MIPOL1: variants seen among roughly 807,000 people sequenced by gnomAD.
MIPOL1 encodes the protein mirror-image polydactyly gene 1 protein.
Under a neutral mutation model 60.9 loss-of-function variants are expected in MIPOL1, and 57 were observed. The observed-to-expected ratio is 0.94, with a 90% CI of 0.76 to 1.17. MIPOL1 has a LOEUF of 1.17. Among genes scored for constraint, MIPOL1 ranks in the 50% most tolerant of loss-of-function variants. MIPOL1 has a pLI of 0.00. For missense variants in MIPOL1, 551 were observed against 511.6 expected (o/e 1.08, Z -0.74); for synonymous variants, 179 against 168.8 (o/e 1.06, Z -0.47).
intron 11 of MIPOL1, among the ~76,000 whole-genome samples, chr14:37,429,989 A>C (rs2094031610): frequency 6.6e-6 from 1 of 152,124 alleles, no homozygotes; most frequent in African/African-American, 2.4e-5. Context: ...CCTCACCAAG[A>C]GTGGGGTTGA....
At chr14:37,379,527 AACCCAC>A (rs1219590018) in intron 10 of MIPOL1, among the ~76,000 whole-genome samples, 2 of 152,098 alleles carry the variant, frequency 1.3e-5, no homozygotes, top group Non-Finnish European at 2.9e-5. Flanking sequence ...GTGAGAAAAC[AACCCAC>A]ATAATGGGAA....
chr14:37,326,454 C>G (rs946106266), intron 9 of MIPOL1, among the ~76,000 whole-genome samples: 1 of 151,816 alleles, frequency 6.6e-6, no homozygotes, highest in Non-Finnish European at 1.5e-5. Context: ...AAGGCAGATC[C>G]ATATCCAGAG....
At chr14:37,225,549 G>T (rs1969563406) in intron 1 of MIPOL1, among the ~76,000 whole-genome samples, 1 of 152,138 alleles carries the variant, frequency 6.6e-6, no homozygotes, top group African/African-American at 2.4e-5. Context: ...GCCATGGCTG[G>T]AGCAACTGGG....
chr14:37,198,454 C>G (rs1203152415), intron 1 of MIPOL1, among the ~76,000 whole-genome samples: 2 of 152,088 alleles, frequency 1.3e-5, no homozygotes, highest in Non-Finnish European at 2.9e-5. Flanking sequence ...CTCGCTCAAC[C>G]TCTGATCGAC....
At chr14:37,251,533 C>G (rs1005133768) in intron 3 of MIPOL1, among the ~76,000 whole-genome samples, 1 of 149,850 alleles carries the variant, frequency 6.7e-6, no homozygotes, top group African/African-American at 2.5e-5. Flanking sequence ...GTGAAAACTT[C>G]TATTTAAGGG....
At chr14:37,433,365 C>T (rs1238795368) in intron 11 of MIPOL1, among the ~76,000 whole-genome samples, 1 of 152,092 alleles carries the variant, frequency 6.6e-6, no homozygotes, top group Non-Finnish European at 1.5e-5. Flanking sequence ...TGCTATCCCT[C>T]CCCTTGCCCC....
intron 9 of MIPOL1, among the ~76,000 whole-genome samples, chr14:37,324,208 G>T (rs1415923486): frequency 6.6e-6 from 1 of 151,942 alleles, no homozygotes; most frequent in Non-Finnish European, 1.5e-5. Flanking sequence ...TGGTTGTTCT[G>T]CATACTAATC....
chr14:37,273,575 C>G (rs981322593), intron 6 of MIPOL1, among the ~76,000 whole-genome samples: 1 of 150,958 alleles, frequency 6.6e-6, no homozygotes, highest in Non-Finnish European at 1.5e-5. Flanking sequence ...ATTAGTCCAT[C>G]TTGTCTTCCA....
chr14:37,522,668 A>C (rs1408010529), intron 12 of MIPOL1, among the ~76,000 whole-genome samples: 1 of 152,188 alleles, frequency 6.6e-6, no homozygotes, highest in Non-Finnish European at 1.5e-5. Context: ...GTGAATGAAC[A>C]CATGAATCCA....
At chr14:37,199,147 A>G (rs766943652) in intron 1 of MIPOL1, among the ~76,000 whole-genome samples, 1 of 152,210 alleles carries the variant, frequency 6.6e-6, no homozygotes, top group Non-Finnish European at 1.5e-5. Context: ...GACATACAGA[A>G]AAGTGCATGA....
At chr14:37,462,862 T>A (rs867582768) in intron 11 of MIPOL1, among the ~76,000 whole-genome samples, 6 of 152,174 alleles carry the variant, frequency 3.9e-5, no homozygotes, top group Non-Finnish European at 8.8e-5. Context: ...CCAAGCCCTT[T>A]AACAAGTCTC....
intron 11 of MIPOL1, among the ~76,000 whole-genome samples, chr14:37,492,362 C>T (rs2095058694): frequency 6.6e-6 from 1 of 152,116 alleles, no homozygotes; most frequent in Non-Finnish European, 1.5e-5. Context: ...AGTAAGTGAA[C>T]AAAGGTTGAG....
At chr14:37,300,196 T>G (rs915023120) in intron 7 of MIPOL1, among the ~76,000 whole-genome samples, 1 of 150,660 alleles carries the variant, frequency 6.6e-6, no homozygotes, top group Non-Finnish European at 1.5e-5. Context: ...TCTTTGGAAG[T>G]AAATCACTAA....
At chr14:37,287,029 T>C (rs1178624402) in intron 7 of MIPOL1, among the ~76,000 whole-genome samples, 1 of 152,086 alleles carries the variant, frequency 6.6e-6, no homozygotes, top group Non-Finnish European at 1.5e-5. Context: ...CTGAACCCAG[T>C]CTATCTTTGA....
intron 11 of MIPOL1, among the ~76,000 whole-genome samples, chr14:37,493,103 T>C (rs1409532706): frequency 6.6e-6 from 1 of 152,176 alleles, no homozygotes; most frequent in Non-Finnish European, 1.5e-5. Context: ...GTGCATATTG[T>C]AGGATGATGA....
chr14:37,224,331 GT>G (rs965646176), intron 1 of MIPOL1, among the ~76,000 whole-genome samples: 4 of 152,074 alleles, frequency 2.6e-5, no homozygotes, highest in African/African-American at 9.7e-5. Context: ...AATTTAAAAA[GT>G]AGTTGGGTGT....
intron 10 of MIPOL1, among the ~76,000 whole-genome samples, chr14:37,375,325 C>A (rs936230007): frequency 7.2e-5 from 11 of 152,076 alleles, no homozygotes; most frequent in Non-Finnish European, 1.5e-4. Flanking sequence ...TCCCCCACCT[C>A]AGCCTCCCAC....
chr14:37,245,307 C>T (rs1973022098), intron 1 of MIPOL1, among the ~76,000 whole-genome samples: 1 of 152,068 alleles, frequency 6.6e-6, no homozygotes, highest in Non-Finnish European at 1.5e-5. Context: ...TGTCTTTTGA[C>T]AGATTTCATT....
intron 7 of MIPOL1, among the ~76,000 whole-genome samples, chr14:37,297,970 CA>C (rs1341763956): frequency 6.6e-6 from 1 of 152,086 alleles, no homozygotes; most frequent in Non-Finnish European, 1.5e-5. Flanking sequence ...CATGTGGAAG[CA>C]AAAAAGAGCC....
Sources: gnomAD v4.1 joint callset for allele counts (sites outside exome capture counted in the v4.1 genomes callset) on GRCh38, gnomAD v4.1.1 for gene constraint, MANE v1.5 for transcripts, NCBI Gene and HGNC (gene_info 2026-07-23, HGNC 2026-07-21) for gene names.